The following CEP164 variants were observed in gnomAD, a reference collection of about 807,000 sequenced individuals.
CEP164 encodes the protein centrosomal protein of 164 kDa.
A neutral mutation model predicts 182.7 loss-of-function variants in CEP164; 162 were observed. That is an observed-to-expected ratio of 0.89 (90% CI 0.78 to 1.01). The LOEUF is 1.01. CEP164 is among the 50% of genes least tolerant of loss of function. The pLI is 0.00. For synonymous variants in CEP164, 661 were observed against 690.0 expected, an observed-to-expected ratio of 0.96 and a Z score of 0.66; for missense variants, 1,735 against 1,790.4, an observed-to-expected ratio of 0.97 and a Z score of 0.56.
intron 1 of CEP164, among the ~76,000 whole-genome samples, chr11:117,333,827 T>C (rs1023211578): frequency 1.3e-5 from 2 of 152,190 alleles, no homozygotes; most frequent in Admixed American, 6.5e-5. Flanking sequence ...TGAGCCACTG[T>C]GCCCAGCCCT....
chr11:117,344,105 A>G, intron 3 of CEP164, 61 bp from the exon 4 acceptor site: 1 of 903,574 alleles, frequency 1.1e-6, no homozygotes, highest in Non-Finnish European at 1.7e-6. Flanking sequence ...TAGAAAAAAG[A>G]TTGTGAGTTT....
intron 4 of CEP164, among the ~76,000 whole-genome samples, chr11:117,349,977 G>C (rs1240807019): frequency 2.0e-5 from 3 of 152,102 alleles, no homozygotes; most frequent in African/African-American, 7.2e-5. Flanking sequence ...GTTTCACCAT[G>C]TTGGTCAGGC....
chr11:117,357,706 A>T (rs2040464352), intron 5 of CEP164, among the ~76,000 whole-genome samples: 1 of 151,700 alleles, frequency 6.6e-6, no homozygotes, highest in Non-Finnish European at 1.5e-5. Context: ...ACAGGTGTGA[A>T]CTGCCGTGCC....
At position 117,411,671 on chromosome 11, in the gene CEP164, G is replaced by A. The variant is rs1259086082; in HGVS notation, c.4164-124G>A. ...GAAGCTTTGAATTGCTAGGGACCTC[G>A]GAGAAGCTGCTCTGGTAGCTGAGAG... is the stretch of plus-strand genomic sequence containing the variant. On this transcript the variant is annotated intron_variant, in intron 31 of 32. Transcript: ENST00000278935. The surrounding 1 kb of genome is among the most constrained non-coding windows in gnomAD (Gnocchi z 4.4). 2.5e-5 allele frequency: 34 copies of A among 1,373,512 alleles called. No homozygotes were observed. The highest frequency in any genetic ancestry group is 2.3e-5 in the East Asian group (1 of 43,008). The allele number at this position is 1,373,512 out of a possible 1,614,324, so 85.1% of individuals were successfully genotyped here. A position where few individuals can be genotyped will look rare whatever the true frequency, so the allele number is the denominator to read the frequency against.
At chr11:117,323,127 C>G (rs977065832), upstream of CEP164, among the ~76,000 whole-genome samples, 1 of 152,070 alleles carries the variant, frequency 6.6e-6, no homozygotes, top group African/African-American at 2.4e-5. Context: ...TCTTGAACTC[C>G]TGACCTCAAG....
At chr11:117,356,338 C>T (rs2040289620) in intron 5 of CEP164, 8 of 1,161,648 alleles carry the variant, frequency 6.9e-6, no homozygotes, top group East Asian at 7.1e-5. Flanking sequence ...GCAGACACAG[C>T]GCCAGCACAG....
At chr11:117,361,521 T>C (rs569458415) in intron 5 of CEP164, among the ~76,000 whole-genome samples, 4 of 152,152 alleles carry the variant, frequency 2.6e-5, no homozygotes, top group African/African-American at 9.6e-5. Context: ...ATTACAGGAC[T>C]GAGCCACCGA....
chr11:117,363,587 T>A, intron 8 of CEP164, 81 bp downstream of exon 8: 1 of 993,574 alleles, frequency 1.0e-6, no homozygotes. Flanking sequence ...TACTTTGTTG[T>A]AATGCATATT....
intron 6 of CEP164, 119 bp downstream of exon 6, chr11:117,362,112 G>A (rs1004213152): frequency 8.8e-6 from 9 of 1,018,006 alleles, no homozygotes; most frequent in East Asian, 5.0e-5. Context: ...CTCAGAGTTC[G>A]TAATCCAGTT....
intron 28 of CEP164, 121 bp from the exon 29 acceptor site, chr11:117,408,769 C>G: frequency 7.6e-7 from 1 of 1,311,006 alleles, no homozygotes; most frequent in Non-Finnish European, 1.0e-6. Flanking sequence ...AGAAAACCAG[C>G]TTAAAGACAA....
intron 4 of CEP164, among the ~76,000 whole-genome samples, chr11:117,345,865 T>G (rs561531205): frequency 2.4e-4 from 36 of 152,308 alleles, no homozygotes; most frequent in African/African-American, 7.7e-4. Context: ...TTTTGTATTT[T>G]TAGTAGAGAC....
Position 117,383,094 on chromosome 11 carries a change from G to A in CEP164, c.1724+152G>A, listed in dbSNP as rs2043528105. On this transcript the variant is annotated intron_variant, in intron 14 of 32. Transcript: ENST00000278935. Reference sequence around the variant, plus strand: ...TAAGCATATCCTTGGTGCTCTGTGTGCAGCCTTGAGAGCCCCACACAGGCA... The same window carrying A: ...TAAGCATATCCTTGGTGCTCTGTGTACAGCCTTGAGAGCCCCACACAGGCA... 4.5e-6 allele frequency: 4 copies of A among 898,072 alleles called. No homozygotes were observed. In the South Asian group the frequency reaches 8.1e-5, roughly 18 times the overall value. The allele number at this position is 898,072 out of a possible 1,614,324, so 55.6% of individuals were successfully genotyped here. A position where few individuals can be genotyped will look rare whatever the true frequency, so the allele number is the denominator to read the frequency against.
chr11:117,405,299 T>A (rs1430097989), intron 27 of CEP164, among the ~76,000 whole-genome samples: 2 of 152,274 alleles, frequency 1.3e-5, no homozygotes, highest in East Asian at 3.9e-4. Context: ...CCCGAGGGAA[T>A]CTCCTGGTCT....
In CEP164 at chr11:117,409,798, C is replaced by T. The variant is rs145100782; in HGVS notation, c.3929C>T (p.Pro1310Leu). 6.2e-7 allele frequency: 1 copy of T among 1,611,212 alleles called. No homozygotes were observed. The highest frequency in any genetic ancestry group is 8.5e-7 in the Non-Finnish European group (1 of 1,178,846). The change falls in exon 30 of 33, where the codon CCC (proline) becomes CTC (leucine). Residue 1310 changes from proline (P) to leucine (L), a missense_variant. Transcript: ENST00000278935. The surrounding 1 kb of genome is among the most constrained non-coding windows in gnomAD (Gnocchi z 4.4). ...QLPPRDPKST[P>L]TPTYYGSLAR... ...CCTCCCCGGGACCCTAAGAGCACCCCCACCCCCACCTACTATGGCTCCCTG... is the reference window on the plus strand; with the variant it reads ...CCTCCCCGGGACCCTAAGAGCACCCTCACCCCCACCTACTATGGCTCCCTG...
rs533863973 is a variant in CEP164 at position 117,409,983 on chromosome 11, C to T, written c.4096+18C>T. ...TTTTCCATGTAAGCCCCACTCTGGG[C>T]GGAGCCTTCCCACCTGCCTCCTCCT... On this transcript the variant is annotated intron_variant, in intron 30 of 32. Transcript: ENST00000278935. The surrounding 1 kb of genome is among the most constrained non-coding windows in gnomAD (Gnocchi z 4.4). The T allele has an allele frequency of 2.5e-5, 41 of 1,609,404 alleles. No homozygotes were observed. Among genetic ancestry groups the T allele is most frequent in the South Asian group, 4.4e-5 (4 of 90,954 alleles).
intron 27 of CEP164, among the ~76,000 whole-genome samples, chr11:117,398,894 C>T (rs1187744108): frequency 6.6e-6 from 1 of 152,236 alleles, no homozygotes. Context: ...ATATTTTCCC[C>T]ATTGTCTTGG....
chr11:117,347,458 C>T (rs1359596857), intron 4 of CEP164, among the ~76,000 whole-genome samples: 1 of 152,140 alleles, frequency 6.6e-6, no homozygotes, highest in Non-Finnish European at 1.5e-5. Context: ...TGCCTGGAAT[C>T]CCAGCACTTT....
intron 7 of CEP164, among the ~76,000 whole-genome samples, chr11:117,362,748 G>A (rs965373341): frequency 6.6e-5 from 10 of 151,554 alleles, no homozygotes; most frequent in African/African-American, 1.7e-4. Context: ...CTCCCCCGCC[G>A]CCACTATTCA....
rs1269253961 is a variant in CEP164, at chr11:117,327,896, G to C, written c.-106G>C. On this transcript the variant is annotated 5_prime_UTR_variant, in exon 1 of 33. Transcript: ENST00000278935. ...AACACCCCGGCGTCCCTGGAAGCTGGGGGAGCGGGTGGGTGTTGGGTGGCG... is the reference window on the plus strand; with the variant it reads ...AACACCCCGGCGTCCCTGGAAGCTGCGGGAGCGGGTGGGTGTTGGGTGGCG... The C allele has an allele frequency of 6.6e-6, 1 of 152,276 alleles. No individual in the cohort carries two copies. Among genetic ancestry groups the C allele is most frequent in the Admixed American group, 6.5e-5 (1 of 15,286 alleles). The allele number at this position is 152,276 out of a possible 1,614,324, so 9.4% of individuals were successfully genotyped here.
Sources: gnomAD v4.1 joint callset for allele counts (sites outside exome capture counted in the v4.1 genomes callset) on GRCh38, gnomAD v4.1.1 for gene constraint, Gnocchi (gnomAD v3.1) non-coding constraint, MANE v1.5 for transcripts, NCBI Gene and HGNC (gene_info 2026-07-23, HGNC 2026-07-21) for gene names.